Variants in GALNT13 observed in about 807,000 individuals in gnomAD.
The protein encoded by GALNT13 is polypeptide N-acetylgalactosaminyltransferase 13, also known as UDP-GalNAc:polypeptide N-acetylgalactosaminyltransferase 13.
A neutral mutation model predicts 64.2 loss-of-function variants in GALNT13; 28 were observed. The ratio of observed to expected loss-of-function variants is 0.44; its 90% CI spans 0.32 to 0.60. The LOEUF (loss-of-function observed/expected upper bound fraction) is 0.60, where lower values mean the gene tolerates loss of function less well. Among genes scored for constraint, GALNT13 ranks in the 20% least tolerant of loss-of-function variants. GALNT13 has a pLI of 0.05. For synonymous variants in GALNT13, 214 were observed against 224.6 expected, an observed-to-expected ratio of 0.95 and a Z score of 0.42; for missense variants, 577 against 669.8, an observed-to-expected ratio of 0.86 and a Z score of 1.53.
At chr2:153,807,055 G>C in the GALNT13 span, among the ~76,000 whole-genome samples, 1 of 151,972 alleles carries the variant, frequency 6.6e-6, no homozygotes, top group African/African-American at 2.4e-5. Flanking sequence ...CTTTATCTGC[G>C]TGTTGGTTAC....
At chr2:153,376,435 G>A in the GALNT13 span, among the ~76,000 whole-genome samples, 5 of 152,152 alleles carry the variant, frequency 3.3e-5, no homozygotes, top group Non-Finnish European at 5.9e-5. Flanking sequence ...GGAAGCAACT[G>A]CAGGATATTA....
At chr2:153,100,140 T>C in the GALNT13 span, among the ~76,000 whole-genome samples, 1 of 152,230 alleles carries the variant, frequency 6.6e-6, no homozygotes, top group Non-Finnish European at 1.5e-5. Context: ...TTCTTATGGC[T>C]TCAAATCAAT....
At chr2:154,450,204 G>A (rs1365572448) in intron 12 of GALNT13, among the ~76,000 whole-genome samples, 1 of 151,972 alleles carries the variant, frequency 6.6e-6, no homozygotes, top group Non-Finnish European at 1.5e-5. Context: ...GCAAATAAAG[G>A]TATATTAGAC....
chr2:153,400,282 A>G, the GALNT13 span, among the ~76,000 whole-genome samples: 1 of 152,112 alleles, frequency 6.6e-6, no homozygotes, highest in East Asian at 1.9e-4. Flanking sequence ...AGCCCACTTC[A>G]TCATGGTGGA....
intron 3 of GALNT13, among the ~76,000 whole-genome samples, chr2:154,130,921 C>T (rs1433855425): frequency 2.0e-5 from 3 of 152,054 alleles, no homozygotes; most frequent in Admixed American, 6.6e-5. Flanking sequence ...AAGGGCTTCT[C>T]AAAACATCTG....
chr2:153,822,885 C>CA, the GALNT13 span, among the ~76,000 whole-genome samples: 1 of 152,034 alleles, frequency 6.6e-6, no homozygotes, highest in Non-Finnish European at 1.5e-5. Flanking sequence ...CAGACTTTGC[C>CA]AAAAGGCTCT....
chr2:153,620,663 T>C, the GALNT13 span, among the ~76,000 whole-genome samples: 1 of 152,032 alleles, frequency 6.6e-6, no homozygotes, highest in East Asian at 1.9e-4. Context: ...TTGAATTCTA[T>C]GTATGTTTTA....
At chr2:153,239,414 A>C in the GALNT13 span, among the ~76,000 whole-genome samples, 1 of 152,142 alleles carries the variant, frequency 6.6e-6, no homozygotes, top group Non-Finnish European at 1.5e-5. Flanking sequence ...TTCTTATTCC[A>C]GATCTTAGAG....
the GALNT13 span, among the ~76,000 whole-genome samples, chr2:153,375,691 A>ATGCC: frequency 6.6e-6 from 1 of 152,186 alleles, no homozygotes; most frequent in African/African-American, 2.4e-5. Context: ...CTGATAACAG[A>ATGCC]ACATAGAAGA....
chr2:153,966,532 A>T (rs950043824), intron 3 of GALNT13, among the ~76,000 whole-genome samples: 4 of 150,106 alleles, frequency 2.7e-5, no homozygotes, highest in African/African-American at 9.8e-5. Context: ...CGCCTGGCTA[A>T]TTTTTTTTTG....
At chr2:154,096,097 A>G (rs1702060474) in intron 3 of GALNT13, among the ~76,000 whole-genome samples, 1 of 152,046 alleles carries the variant, frequency 6.6e-6, no homozygotes, top group Admixed American at 6.6e-5. Flanking sequence ...TATTCTTAAT[A>G]TATCACTTTT....
the GALNT13 span, among the ~76,000 whole-genome samples, chr2:153,228,394 C>G: frequency 3.3e-5 from 5 of 152,146 alleles, no homozygotes; most frequent in African/African-American, 9.6e-5. Flanking sequence ...TTTTTTGGCA[C>G]CTTAATGAAC....
the GALNT13 span, among the ~76,000 whole-genome samples, chr2:153,438,501 A>G: frequency 6.6e-6 from 1 of 151,962 alleles, no homozygotes; most frequent in African/African-American, 2.4e-5. Flanking sequence ...ATAGTCCCAT[A>G]TTTCTTGGAG....
chr2:154,328,521 A>T (rs747936177), intron 9 of GALNT13, among the ~76,000 whole-genome samples: 1 of 152,230 alleles, frequency 6.6e-6, no homozygotes, highest in South Asian at 2.1e-4. Flanking sequence ...TCTGGTGCAT[A>T]GCTACCAGAG....
At chr2:154,036,333 A>C (rs1328716845) in intron 3 of GALNT13, among the ~76,000 whole-genome samples, 1 of 152,108 alleles carries the variant, frequency 6.6e-6, no homozygotes, top group Non-Finnish European at 1.5e-5. Context: ...GTAAACCACA[A>C]ATTCTGCATT....
intron 3 of GALNT13, among the ~76,000 whole-genome samples, chr2:154,069,284 G>C (rs1265016726): frequency 6.6e-6 from 1 of 151,664 alleles, no homozygotes; most frequent in Non-Finnish European, 1.5e-5. Context: ...AAGAAGAGAA[G>C]AGTTCCAGAA....
the GALNT13 span, among the ~76,000 whole-genome samples, chr2:153,275,808 C>T: frequency 1.1e-4 from 17 of 151,964 alleles, no homozygotes; most frequent in East Asian, 9.7e-4. Context: ...TGGCAGATTA[C>T]AAGAAGTAGA....
chr2:153,937,424 A>G (rs2105369838), intron 2 of GALNT13, among the ~76,000 whole-genome samples: 1 of 152,348 alleles, frequency 6.6e-6, no homozygotes, highest in South Asian at 2.1e-4. Context: ...GAAACATTCA[A>G]AATAGGAAAA....
chr2:154,166,664 A>G (rs1434261625), intron 4 of GALNT13, among the ~76,000 whole-genome samples: 3 of 152,218 alleles, frequency 2.0e-5, no homozygotes, highest in Non-Finnish European at 2.9e-5. Flanking sequence ...GCTGCTATAA[A>G]AACACATGCA....
Sources: gnomAD v4.1 joint callset for allele counts (sites outside exome capture counted in the v4.1 genomes callset) on GRCh38, gnomAD v4.1.1 for gene constraint, MANE v1.5 for transcripts, NCBI Gene and HGNC (gene_info 2026-07-23, HGNC 2026-07-21) for gene names.